MORN1: variants seen among roughly 807,000 people sequenced by gnomAD.
MORN1 encodes MORN repeat containing 1.
In MORN1, 67 loss-of-function variants were observed where a neutral mutation model predicts 61.9. That is an observed-to-expected ratio of 1.08 (90% CI 0.89 to 1.33). The LOEUF is 1.33. Ranked by LOEUF, MORN1 falls within the 40% of genes most tolerant of loss-of-function variation. MORN1 has a pLI of 0.00. For missense variants in MORN1, 752 were observed against 691.2 expected, an observed-to-expected ratio of 1.09 and a Z score of -0.99; for synonymous variants, 301 against 292.0, an observed-to-expected ratio of 1.03 and a Z score of -0.31.
At chr1:2,351,918 A>C in intron 10 of MORN1, 1 of 516,256 alleles carries the variant, frequency 1.9e-6, no homozygotes, top group Non-Finnish European at 3.8e-6. Context: ...TGAACCTGGT[A>C]TGAGGCCACC....
chr1:2,323,120 G>C, intron 13 of MORN1: 1 of 985,422 alleles, frequency 1.0e-6, no homozygotes, highest in African/African-American at 1.7e-5. Context: ...AGATGTCCCC[G>C]CCCCCTCCTG....
intron 1 of MORN1, among the ~76,000 whole-genome samples, chr1:2,391,194 T>C (rs1039980355): frequency 2.0e-5 from 3 of 152,082 alleles, no homozygotes; most frequent in Admixed American, 6.5e-5. Flanking sequence ...AACCCGGTCT[T>C]CCCGGCTAGG....
At chr1:2,383,220 A>G (rs1642411164) in intron 6 of MORN1, among the ~76,000 whole-genome samples, 1 of 152,200 alleles carries the variant, frequency 6.6e-6, no homozygotes, top group South Asian at 2.1e-4. Context: ...CTTTGTCAAC[A>G]GAGAACAAGG....
chr1:2,345,066 A>G (rs866849370), intron 10 of MORN1, among the ~76,000 whole-genome samples: 1 of 152,026 alleles, frequency 6.6e-6, no homozygotes, highest in South Asian at 2.1e-4. Context: ...AGACAGTGTC[A>G]GCCTCCAGGA....
At chr1:2,324,188 C>G in intron 12 of MORN1, 45 bp from the exon 13 acceptor site, 1 of 1,554,666 alleles carries the variant, frequency 6.4e-7, no homozygotes, top group Non-Finnish European at 8.7e-7. Context: ...CTGCCTGGGC[C>G]CCGACGACAT....
chr1:2,348,781 A>G (rs1469143259), intron 10 of MORN1, among the ~76,000 whole-genome samples: 11 of 135,824 alleles, frequency 8.1e-5, no homozygotes, highest in African/African-American at 3.1e-4. Context: ...AGGCACGCAC[A>G]CACACGCACG....
intron 13 of MORN1, among the ~76,000 whole-genome samples, 180 bp from the exon 14 acceptor site, chr1:2,321,759 TG>T (rs1334033770): frequency 6.6e-6 from 1 of 152,106 alleles, no homozygotes; most frequent in East Asian, 1.9e-4. Flanking sequence ...GGACCGGTCC[TG>T]GGGGGCTGGA....
At chr1:2,385,345 C>T (rs564418532) in intron 5 of MORN1, 13 of 515,062 alleles carry the variant, frequency 2.5e-5, no homozygotes, top group South Asian at 4.4e-5. Flanking sequence ...GGAGAGGCAA[C>T]GGGAGGGGGC....
chr1:2,387,825 C>T (rs1642542370), intron 3 of MORN1: 2 of 447,682 alleles, frequency 4.5e-6, no homozygotes, highest in South Asian at 3.3e-5. Flanking sequence ...TTCCCTGGCT[C>T]TTTAAAAACT....
chr1:2,383,158 G>T (rs1380500993), intron 6 of MORN1, among the ~76,000 whole-genome samples: 1 of 152,124 alleles, frequency 6.6e-6, no homozygotes, highest in African/African-American at 2.4e-5. Context: ...TTTGCCTGAC[G>T]GGAACTGGAC....
intron 10 of MORN1, among the ~76,000 whole-genome samples, chr1:2,345,857 A>ACACACAC (rs1298968582): frequency 1.6e-4 from 16 of 99,902 alleles, no homozygotes; most frequent in African/African-American, 3.4e-4. Context: ...ACACACACAG[A>ACACACAC]TGTTTGCTCT....
At position 2,336,365 on chromosome 1, in the gene MORN1, C is replaced by T. The variant is rs532298781; in HGVS notation, c.1250+104G>A. The T allele has an allele frequency of 1.5e-5, 18 of 1,176,866 alleles. No individual in the cohort carries two copies. The East Asian group carries it at 4.3e-4, about 28-fold the overall frequency. 72.9% of individuals were successfully genotyped at this position (1,176,866 alleles called of 1,614,324 possible). A position where few individuals can be genotyped will look rare whatever the true frequency, so the allele number is the denominator to read the frequency against. On this transcript the variant is annotated intron_variant, in intron 12 of 13. Transcript: ENST00000378531. ...GTGTAGGCTCACTGTCTTCCCAGACCAGGCCCTTGGCTCCCCTGGGCCTTC... is the reference window on the plus strand; with the variant it reads ...GTGTAGGCTCACTGTCTTCCCAGACTAGGCCCTTGGCTCCCCTGGGCCTTC...
chr1:2,324,977 G>GGCT (rs140783051), intron 12 of MORN1, among the ~76,000 whole-genome samples: 107,507 of 151,200 alleles, frequency 0.71, 39,849 homozygotes, highest in African/African-American at 0.92. Context: ...GAGGAAGCTG[G>GGCT]GCCCGGCAGG....
At chr1:2,321,825 A>C (rs1640887418) in intron 13 of MORN1, among the ~76,000 whole-genome samples, 1 of 151,968 alleles carries the variant, frequency 6.6e-6, no homozygotes, top group Non-Finnish European at 1.5e-5. Context: ...ACCACCTCTG[A>C]CCTCAGGCCA....
chr1:2,354,694 C>A (rs1322044903), intron 10 of MORN1, among the ~76,000 whole-genome samples: 2 of 152,220 alleles, frequency 1.3e-5, no homozygotes, highest in Non-Finnish European at 2.9e-5. Context: ...TGGAGGCCAG[C>A]ATGCGCACTC....
chr1:2,332,599 G>A (rs1295840939), intron 12 of MORN1: 1 of 456,520 alleles, frequency 2.2e-6, no homozygotes, highest in South Asian at 1.5e-5. Context: ...CACAGGCCCA[G>A]GTTGGGGGCC....
At chr1:2,359,574 G>T (rs1044314440) in intron 8 of MORN1, among the ~76,000 whole-genome samples, 9 of 152,150 alleles carry the variant, frequency 5.9e-5, no homozygotes, top group Non-Finnish European at 7.4e-5. Flanking sequence ...TGGCTGTGCC[G>T]AGAGGAGCAA....
At chr1:2,380,548 T>G (rs752553995) in intron 6 of MORN1, among the ~76,000 whole-genome samples, 2 of 152,036 alleles carry the variant, frequency 1.3e-5, no homozygotes, top group Non-Finnish European at 2.9e-5. Context: ...AGTGTTTTGG[T>G]TTTTTATTTT....
chr1:2,326,946 G>C (rs1336023909), intron 12 of MORN1, among the ~76,000 whole-genome samples: 1 of 152,224 alleles, frequency 6.6e-6, no homozygotes, highest in African/African-American at 2.4e-5. Context: ...TCTGAGGCCT[G>C]TGTCGTCCCC....
Sources: gnomAD v4.1 joint callset for allele counts (sites outside exome capture counted in the v4.1 genomes callset) on GRCh38, gnomAD v4.1.1 for gene constraint, MANE v1.5 for transcripts, NCBI Gene and HGNC (gene_info 2026-07-23, HGNC 2026-07-21) for gene names.